FGF14: variants seen among roughly 807,000 people sequenced by gnomAD.
FGF14 encodes the protein fibroblast growth factor homologous factor 4.
FGF14 carries 5 observed loss-of-function variants against 25.5 expected under a neutral mutation model. The observed-to-expected ratio is 0.20, with a 90% CI of 0.10 to 0.41. The LOEUF (loss-of-function observed/expected upper bound fraction) is 0.41, where lower values mean the gene tolerates loss of function less well. FGF14 is among the 10% of genes least tolerant of loss of function. The probability of loss-of-function intolerance (pLI) is 1.00; values close to 1 mark genes in which losing one functional copy is unlikely to be tolerated. For missense variants in FGF14, 222 were observed against 320.1 expected (o/e 0.69, Z 2.34); for synonymous variants, 138 against 118.3 (o/e 1.17, Z -1.08).
chr13:102,156,368 A>G (rs148076719), intron 1 of FGF14, among the ~76,000 whole-genome samples: 2,048 of 152,320 alleles, frequency 0.013, 44 homozygotes, highest in African/African-American at 0.047. Context: ...ACAAAAATCA[A>G]TAAATGTAAT....
intron 1 of FGF14, among the ~76,000 whole-genome samples, chr13:102,372,853 C>G (rs1236253140): frequency 6.6e-6 from 1 of 152,102 alleles, no homozygotes. Context: ...TACTGTGAAG[C>G]TTTATATGCA....
chr13:101,906,733 T>C (rs143912238), intron 1 of FGF14, among the ~76,000 whole-genome samples: 14 of 152,274 alleles, frequency 9.2e-5, no homozygotes, highest in African/African-American at 3.1e-4. Context: ...GCCATTTGCT[T>C]ATACCTTAAA....
At chr13:102,240,896 G>T (rs998190689) in intron 1 of FGF14, among the ~76,000 whole-genome samples, 1 of 152,180 alleles carries the variant, frequency 6.6e-6, no homozygotes, top group African/African-American at 2.4e-5. Context: ...AATAGGAAAT[G>T]TTTAAGGTCC....
chr13:101,811,075 G>C (rs915373161), intron 3 of FGF14, among the ~76,000 whole-genome samples: 10 of 130,204 alleles, frequency 7.7e-5, no homozygotes, highest in African/African-American at 2.8e-4. Context: ...CATTGGAGTG[G>C]TGCGTTTGCT....
upstream of FGF14, among the ~76,000 whole-genome samples, chr13:101,916,962 C>T (rs1040253263): frequency 4.0e-5 from 6 of 151,864 alleles, no homozygotes; most frequent in South Asian, 4.1e-4. Context: ...TGCTGGTCAC[C>T]GCTCGTCGCA....
chr13:101,768,370 A>G (rs750090421), intron 3 of FGF14, among the ~76,000 whole-genome samples: 5 of 152,180 alleles, frequency 3.3e-5, no homozygotes, highest in Non-Finnish European at 7.3e-5. Flanking sequence ...GGAAGACTCA[A>G]TATTGTCAGC....
At chr13:102,337,045 T>A (rs2056808626) in intron 1 of FGF14, among the ~76,000 whole-genome samples, 1 of 152,216 alleles carries the variant, frequency 6.6e-6, no homozygotes, top group Non-Finnish European at 1.5e-5. Flanking sequence ...ACAACATGCA[T>A]TCTGCAGCCC....
intron 1 of FGF14, among the ~76,000 whole-genome samples, chr13:101,907,583 C>A (rs957469187): frequency 6.6e-6 from 1 of 152,008 alleles, no homozygotes; most frequent in African/African-American, 2.4e-5. Flanking sequence ...GGGACAAACA[C>A]CTGTTTAGAA....
chr13:102,084,241 C>T (rs1401321724), intron 1 of FGF14, among the ~76,000 whole-genome samples: 3 of 152,054 alleles, frequency 2.0e-5, no homozygotes, highest in Non-Finnish European at 2.9e-5. Context: ...CTTTATTTTT[C>T]TTTTGCACTC....
intron 1 of FGF14, among the ~76,000 whole-genome samples, chr13:102,080,667 T>C (rs1034302619): frequency 6.6e-6 from 1 of 152,176 alleles, no homozygotes; most frequent in African/African-American, 2.4e-5. Flanking sequence ...AAAGGATAAA[T>C]GTTGGTGTTT....
At chr13:101,812,001 G>T (rs1656628848) in intron 3 of FGF14, among the ~76,000 whole-genome samples, 1 of 152,066 alleles carries the variant, frequency 6.6e-6, no homozygotes, top group Admixed American at 6.6e-5. Flanking sequence ...CTAAATTGAA[G>T]GATGATGTGA....
chr13:101,913,441 G>A (rs541297469), intron 1 of FGF14, among the ~76,000 whole-genome samples: 40 of 151,934 alleles, frequency 2.6e-4, no homozygotes, highest in African/African-American at 9.4e-4. Context: ...GAAAGAGTGT[G>A]GGTGTAGGGC....
chr13:102,101,128 TAA>T (rs2044644704), intron 1 of FGF14, among the ~76,000 whole-genome samples: 1 of 149,676 alleles, frequency 6.7e-6, no homozygotes, highest in Admixed American at 6.6e-5. Flanking sequence ...AAAAAAAAGG[TAA>T]AGTGACTTGC....
At chr13:102,205,974 C>A (rs1226666716) in intron 1 of FGF14, among the ~76,000 whole-genome samples, 1 of 96,198 alleles carries the variant, frequency 1.0e-5, no homozygotes, top group African/African-American at 3.8e-5. Flanking sequence ...GCTCAAGAAG[C>A]TCCCTGTGGT....
intron 1 of FGF14, chr13:102,292,415 G>A (rs1181772731): frequency 6.6e-6 from 1 of 151,780 alleles, no homozygotes; most frequent in East Asian, 1.9e-4. Context: ...ACAGGAAAGA[G>A]TAAGATCAGT....
intron 3 of FGF14, among the ~76,000 whole-genome samples, chr13:101,848,770 T>C (rs2043594989): frequency 6.6e-6 from 1 of 152,044 alleles, no homozygotes; most frequent in Non-Finnish European, 1.5e-5. Context: ...AAACAATTAC[T>C]GACCCTTGAT....
intron 1 of FGF14, among the ~76,000 whole-genome samples, chr13:102,371,723 T>C (rs2057891146): frequency 2.0e-5 from 3 of 152,120 alleles, no homozygotes; most frequent in Admixed American, 2.0e-4. Flanking sequence ...TTACTTAATA[T>C]GAATAAATGA....
Position 101,916,817 on chromosome 13 carries a change from G to A in FGF14, c.-172C>T, listed in dbSNP as rs1049801535. Among the ~76,000 whole-genome samples, 1 of 152,118 alleles carries A rather than the reference G, an allele frequency of 6.6e-6. No individual in the cohort carries two copies. Among genetic ancestry groups the A allele is most frequent in the East Asian group, 1.9e-4 (1 of 5,150 alleles). ...GGCTCAGTCCTGACCGGGACCCATC[G>A]CCCTCTCCGCGGGGCGCGGGGCCAG... On this transcript the variant is annotated 5_prime_UTR_variant, in exon 1 of 5. Transcript: ENST00000376143.
At chr13:101,852,629 T>C (rs1473854893) in intron 3 of FGF14, among the ~76,000 whole-genome samples, 6 of 152,076 alleles carry the variant, frequency 3.9e-5, no homozygotes, top group Admixed American at 3.9e-4. Context: ...GAAATGTCTT[T>C]GTCAGGACAG....
Sources: gnomAD v4.1 joint callset for allele counts (sites outside exome capture counted in the v4.1 genomes callset) on GRCh38, gnomAD v4.1.1 for gene constraint, MANE v1.5 for transcripts, NCBI Gene and HGNC (gene_info 2026-07-23, HGNC 2026-07-21) for gene names.